The following CNTNAP2 variants were observed in gnomAD, a reference collection of about 807,000 sequenced individuals.
The protein encoded by CNTNAP2 is contactin-associated protein-like 2.
In CNTNAP2, 98 loss-of-function variants were observed where a neutral mutation model predicts 155.2. That is an observed-to-expected ratio of 0.63 (90% confidence interval 0.54 to 0.75). The LOEUF (loss-of-function observed/expected upper bound fraction) is 0.75. Among genes scored for constraint, CNTNAP2 ranks in the 30% least tolerant of loss-of-function variants. CNTNAP2 has a pLI of 0.00. For synonymous variants in CNTNAP2, 651 were observed against 631.2 expected (o/e 1.03, Z -0.47); for missense variants, 1,727 against 1,688.1 (o/e 1.02, Z -0.40).
At chr7:146,862,926 T>C (rs1562977660) in intron 3 of CNTNAP2, among the ~76,000 whole-genome samples, 1 of 152,214 alleles carries the variant, frequency 6.6e-6, no homozygotes, top group Non-Finnish European at 1.5e-5. Flanking sequence ...ACCAGTGTTA[T>C]AGTCACTTTT....
At chr7:148,278,569 CAAAAA>C (rs34230909) in intron 21 of CNTNAP2, among the ~76,000 whole-genome samples, 4 of 116,628 alleles carry the variant, frequency 3.4e-5, no homozygotes, top group Admixed American at 8.9e-5. Flanking sequence ...GACTACATCT[CAAAAA>C]AAAAAAAAAA....
intron 15 of CNTNAP2, among the ~76,000 whole-genome samples, chr7:148,068,682 CA>C (rs929946279): frequency 6.6e-6 from 1 of 152,090 alleles, no homozygotes; most frequent in Non-Finnish European, 1.5e-5. Context: ...GATTTTTTCC[CA>C]ATAATGTTAT....
intron 13 of CNTNAP2, among the ~76,000 whole-genome samples, chr7:147,724,760 C>T (rs1796618327): frequency 6.6e-6 from 1 of 151,944 alleles, no homozygotes; most frequent in Non-Finnish European, 1.5e-5. Context: ...TATAGTCTTG[C>T]TCACCTTTTA....
intron 3 of CNTNAP2, among the ~76,000 whole-genome samples, chr7:146,867,391 T>C (rs769043562): frequency 3.3e-5 from 5 of 152,214 alleles, no homozygotes; most frequent in Admixed American, 6.5e-5. Flanking sequence ...ATGGTGTATA[T>C]TTAGCACATT....
At chr7:148,292,686 G>T (rs1189112265) in intron 21 of CNTNAP2, among the ~76,000 whole-genome samples, 1 of 152,078 alleles carries the variant, frequency 6.6e-6, no homozygotes, top group Non-Finnish European at 1.5e-5. Flanking sequence ...GGGGAGATTC[G>T]GTCTCACCTA....
intron 13 of CNTNAP2, among the ~76,000 whole-genome samples, chr7:147,775,714 A>G (rs1797574327): frequency 6.6e-6 from 1 of 152,000 alleles, no homozygotes; most frequent in Admixed American, 6.6e-5. Flanking sequence ...TCAATAGAAG[A>G]TAAGTGTGCA....
At chr7:147,195,602 G>A (rs868789446) in intron 8 of CNTNAP2, among the ~76,000 whole-genome samples, 12 of 151,982 alleles carry the variant, frequency 7.9e-5, no homozygotes, top group African/African-American at 2.7e-4. Context: ...CTTGAAAAGT[G>A]GTTTTTAGTT....
chr7:146,137,419 G>A (rs12703770), intron 1 of CNTNAP2, among the ~76,000 whole-genome samples: 8,296 of 152,036 alleles, frequency 0.055, 253 homozygotes, highest in Middle Eastern at 0.11. Flanking sequence ...AAAGCAAGGT[G>A]GAATATTTGC....
intron 12 of CNTNAP2, among the ~76,000 whole-genome samples, chr7:147,630,924 G>A (rs906963220): frequency 6.6e-6 from 1 of 152,012 alleles, no homozygotes; most frequent in South Asian, 2.1e-4. Context: ...AGAGAAGGAT[G>A]CCCACCCCCA....
chr7:146,969,306 G>A (rs1363091682), intron 3 of CNTNAP2, among the ~76,000 whole-genome samples: 3 of 151,820 alleles, frequency 2.0e-5, no homozygotes, highest in Non-Finnish European at 4.4e-5. Context: ...GGGTGGAGAG[G>A]TCTGTAGATG....
At chr7:147,264,384 G>A (rs1035336684) in intron 8 of CNTNAP2, among the ~76,000 whole-genome samples, 2 of 151,922 alleles carry the variant, frequency 1.3e-5, no homozygotes, top group African/African-American at 4.8e-5. Flanking sequence ...TGTGTTTTTA[G>A]ACCCTCCTCT....
intron 1 of CNTNAP2, among the ~76,000 whole-genome samples, chr7:146,331,298 C>T (rs1411226922): frequency 1.5e-5 from 2 of 136,436 alleles, no homozygotes; most frequent in Non-Finnish European, 3.0e-5. Context: ...AGCGAGACTC[C>T]GTCTCAAAAA....
chr7:147,178,035 A>G (rs1802383673), intron 8 of CNTNAP2, among the ~76,000 whole-genome samples: 1 of 152,164 alleles, frequency 6.6e-6, no homozygotes, highest in African/African-American at 2.4e-5. Flanking sequence ...TGGAAGGCAG[A>G]ATAATGCCCC....
At chr7:147,115,250 AT>A (rs1169637399) in intron 5 of CNTNAP2, among the ~76,000 whole-genome samples, 7 of 151,714 alleles carry the variant, frequency 4.6e-5, no homozygotes, top group African/African-American at 1.7e-4. Context: ...TGCCTTTAAC[AT>A]TTTTTCTTTA....
chr7:148,252,674 T>G (rs1340441782), intron 20 of CNTNAP2, among the ~76,000 whole-genome samples: 1 of 152,208 alleles, frequency 6.6e-6, no homozygotes, highest in African/African-American at 2.4e-5. Flanking sequence ...TTACCCATCC[T>G]TCTATAGAGG....
rs547873273 is a variant in CNTNAP2, at chr7:147,342,908, T to A, written c.1498+42618T>A. Among the ~76,000 whole-genome samples, 121 of 152,276 alleles carry A rather than the reference T, an allele frequency of 7.9e-4. 1 individual carries two copies. Among genetic ancestry groups the A allele is most frequent in the African/African-American group, 2.6e-3 (110 of 41,548 alleles). ...GAGCCCCTCCACTGTATTCCTTCCT[T>A]TATATATATAATACATATATGTAAA... is the stretch of plus-strand genomic sequence containing the variant. On this transcript the variant is annotated intron_variant, in intron 9 of 23. Coordinates refer to ENST00000361727, the MANE Select transcript of CNTNAP2 (RefSeq NM_014141.6).
intron 13 of CNTNAP2, among the ~76,000 whole-genome samples, chr7:147,779,878 A>C (rs983615384): frequency 6.6e-6 from 1 of 152,328 alleles, no homozygotes; most frequent in Non-Finnish European, 1.5e-5. Flanking sequence ...TTTACTTTTG[A>C]GAAATGTGAG....
At chr7:148,355,165 G>GTTTTT (rs1563055120) in intron 21 of CNTNAP2, among the ~76,000 whole-genome samples, 10 of 27,798 alleles carry the variant, frequency 3.6e-4, no homozygotes, top group African/African-American at 5.0e-4. Context: ...GCCGCCAGCT[G>GTTTTT]CTTTTTTTTT....
intron 12 of CNTNAP2, among the ~76,000 whole-genome samples, chr7:147,621,088 GTGC>G (rs1794840072): frequency 6.6e-6 from 1 of 152,084 alleles, no homozygotes; most frequent in South Asian, 2.1e-4. Context: ...CATATTTACG[GTGC>G]TGAAAGAAAA....
Sources: gnomAD v4.1 joint callset for allele counts (sites outside exome capture counted in the v4.1 genomes callset) on GRCh38, gnomAD v4.1.1 for gene constraint, MANE v1.5 for transcripts, NCBI Gene and HGNC (gene_info 2026-07-23, HGNC 2026-07-21) for gene names.